ECE2: variants seen among roughly 807,000 people sequenced by gnomAD.
The protein encoded by ECE2 is endothelin converting enzyme 2.
In ECE2, 81 loss-of-function variants were observed where a neutral mutation model predicts 100.6. That is an observed-to-expected ratio of 0.81 (90% CI 0.67 to 0.97). The LOEUF (loss-of-function observed/expected upper bound fraction) is 0.97. Ranked by LOEUF, ECE2 falls within the 50% of genes least tolerant of loss-of-function variation. The pLI is 0.00. For missense variants in ECE2, 911 were observed against 988.1 expected (o/e 0.92, Z 1.05); for synonymous variants, 391 against 391.5 (o/e 1.00, Z 0.02).
Position 184,289,840 on chromosome 3 carries a change from T to A in ECE2, c.1551+122T>A, listed in dbSNP as rs2108432536. On this transcript the variant is annotated intron_variant, in intron 13 of 18. Coordinates refer to ENST00000404464, the MANE Select transcript of ECE2 (RefSeq NM_001100121.2). This position sits in a 1 kb window ranked among gnomAD's most constrained non-coding sequence, Gnocchi z 4.1. ...CTTGTCGGTTTCTTTTAGAGGCAGA[T>A]GGAGGTAACCAGCATTGTTAAAATG... 2 of 835,606 alleles carry A rather than the reference T, an allele frequency of 2.4e-6. No homozygotes were observed. Among genetic ancestry groups the A allele is most frequent in the Non-Finnish European group, 1.8e-6 (1 of 546,606 alleles). 51.8% of individuals were successfully genotyped at this position (835,606 alleles called of 1,614,324 possible).
At chr3:184,287,427 C>T (rs1577143737) in intron 10 of ECE2, among the ~76,000 whole-genome samples, 1 of 152,104 alleles carries the variant, frequency 6.6e-6, no homozygotes, top group Non-Finnish European at 1.5e-5. Context: ...CACGGTGGCT[C>T]ATGCCTTTAA....
intron 7 of ECE2, among the ~76,000 whole-genome samples, chr3:184,279,811 C>T (rs374776571): frequency 2.0e-5 from 3 of 152,146 alleles, no homozygotes; most frequent in Non-Finnish European, 2.9e-5. Context: ...TAGCACACTA[C>T]GGAGTTTATT....
rs1054152374 is a variant in ECE2, at chr3:184,285,028, T to C, written c.1071T>C (p.Ser357=). The change falls in exon 9 of 19, where the codon AGT becomes AGC. Residue 357 remains serine (S), a synonymous_variant. Coordinates refer to ENST00000404464, the MANE Select transcript of ECE2 (RefSeq NM_001100121.2). ...TCTTGCTGTCACCATTGGAGTTGAG[T>C]GACTCTGAGCCTGTGGTGGTGTATG... The part of the protein sequence containing the change: ...LSFLLSPLEL[S]DSEPVVVYGM... 1.9e-6 allele frequency: 3 copies of C among 1,614,072 alleles called. No homozygotes were observed. Among genetic ancestry groups the C allele is most frequent in the Non-Finnish European group, 2.5e-6 (3 of 1,180,012 alleles).
chr3:184,289,515 C>T lies in ECE2; in HGVS notation c.1453C>T (p.Arg485Cys), dbSNP rs374121789. 1.9e-5 allele frequency: 30 copies of T among 1,612,526 alleles called. No homozygotes were observed. Among genetic ancestry groups the T allele is most frequent in the South Asian group, 5.5e-5 (5 of 90,808 alleles). ...GCTGGTTTGGATGGATGAGAAGACC[C>T]GCCAGGCAGCCAAGGAGAAAGTGAG... ...GQLVWMDEKTRQAAKEKADAI... is the reference protein window; with the variant it reads ...GQLVWMDEKTCQAAKEKADAI... Residue 485 changes from arginine (R) to cysteine (C), a missense_variant, in exon 12 of 19, where the codon CGC becomes TGC. Arg to Cys is a radical substitution (Grantham distance 180, BLOSUM62 -3). Transcript: ENST00000404464. This position sits in a 1 kb window ranked among gnomAD's most constrained non-coding sequence, Gnocchi z 4.1.
rs1336555060 is a variant in ECE2 at position 184,289,441 on chromosome 3, A to G, written c.1379A>G (p.Glu460Gly). The G allele has an allele frequency of 6.2e-7, 1 of 1,604,824 alleles. No individual in the cohort carries two copies. The highest frequency in any genetic ancestry group is 1.3e-5 in the African/African-American group (1 of 74,700). ...ACTTTACCTCCTCCCTCCCAGGCAG[A>G]GGGGATGATCAGCGAAATCCGGACC... Reference protein sequence around the residue: ...TFDRQSKEIAEGMISEIRTAF... With the variant: ...TFDRQSKEIAGGMISEIRTAF... Residue 460 changes from glutamate (E) to glycine (G), a missense_variant, in exon 12 of 19, where the codon GAG becomes GGG. By Grantham distance (98) the Glu-to-Gly change is moderately conservative (BLOSUM62 -2). Transcript: ENST00000404464. The surrounding 1 kb of genome is among the most constrained non-coding windows in gnomAD (Gnocchi z 4.1).
intron 7 of ECE2, among the ~76,000 whole-genome samples, chr3:184,283,561 C>CAAAAAAAAAAAAA (rs35761542): frequency 1.3e-4 from 7 of 53,086 alleles, no homozygotes; most frequent in Non-Finnish European, 1.9e-4. Flanking sequence ...GACTCCATCT[C>CAAAAAAAAAAAAA]AAAAAAAAAA....
In ECE2 at chr3:184,291,615, C is replaced by G. The variant is rs1445272852; in HGVS notation, c.2121+176C>G. On this transcript the variant is annotated intron_variant, in intron 18 of 18. Coordinates refer to ENST00000404464, the MANE Select transcript of ECE2 (RefSeq NM_001100121.2). The surrounding 1 kb of genome is among the most constrained non-coding windows in gnomAD (Gnocchi z 4.1). Reference sequence around the variant, plus strand: ...AGAGCCTCCGGCCAGCCAGGGCCCACAAAGGCAGCCTGAAGAGGCCTGAGC... The same window carrying G: ...AGAGCCTCCGGCCAGCCAGGGCCCAGAAAGGCAGCCTGAAGAGGCCTGAGC... 8.2e-6 allele frequency: 5 copies of G among 611,768 alleles called. No individual in the cohort carries two copies. In the South Asian group the frequency reaches 1.4e-4, roughly 17 times the overall value. The allele number at this position is 611,768 out of a possible 1,614,324, so 37.9% of individuals were successfully genotyped here. A position where few individuals can be genotyped will look rare whatever the true frequency, so the allele number is the denominator to read the frequency against.
In ECE2 at chr3:184,291,547, C is replaced by G; in HGVS notation, c.2121+108C>G. Reference sequence around the variant, plus strand: ...GTGTCAAACGGGCTGGTGAATGGGGCTGAGGCTGGGGCATGAAAGGTGGGC... The same window carrying G: ...GTGTCAAACGGGCTGGTGAATGGGGGTGAGGCTGGGGCATGAAAGGTGGGC... On this transcript the variant is annotated intron_variant, in intron 18 of 18. Coordinates refer to ENST00000404464, the MANE Select transcript of ECE2 (RefSeq NM_001100121.2). This position sits in a 1 kb window ranked among gnomAD's most constrained non-coding sequence, Gnocchi z 4.1. 1 of 1,109,306 alleles carries G rather than the reference C, an allele frequency of 9.0e-7. No homozygotes were observed. Among genetic ancestry groups the G allele is most frequent in the Non-Finnish European group, 1.3e-6 (1 of 799,148 alleles). 68.7% of individuals were successfully genotyped at this position (1,109,306 alleles called of 1,614,324 possible).
intron 7 of ECE2, chr3:184,278,785 A>G (rs1028063348): frequency 1.5e-4 from 85 of 573,210 alleles, no homozygotes; most frequent in Non-Finnish European, 3.7e-5. Context: ...ATAGACACCT[A>G]CTGTGTGCCA....
Position 184,285,092 on chromosome 3 carries a change from C to A in ECE2, c.1135C>A (p.Arg379Ser), listed in dbSNP as rs371149039. Residue 379 changes from arginine to serine, a missense_variant, in exon 9 of 19, where the codon CGC becomes AGC. Coordinates refer to ENST00000404464, the MANE Select transcript of ECE2 (RefSeq NM_001100121.2). Reference sequence around the variant, plus strand: ...GCAGCAGGTGTCAGAGCTCATCAACCGCACGGAACCAAGGTGTGGGGGTAG... The same window carrying A: ...GCAGCAGGTGTCAGAGCTCATCAACAGCACGGAACCAAGGTGTGGGGGTAG... ...YLQQVSELIN[R>S]TEPSILNNYL... The A allele has an allele frequency of 3.7e-6, 6 of 1,613,794 alleles. No individual in the cohort carries two copies. Among genetic ancestry groups the A allele is most frequent in the Non-Finnish European group, 5.1e-6 (6 of 1,179,900 alleles).
intron 4 of ECE2, 32 bp downstream of exon 4, chr3:184,277,498 A>G (rs1282234902): frequency 1.2e-6 from 2 of 1,607,998 alleles, no homozygotes; most frequent in African/African-American, 2.7e-5. Flanking sequence ...GCCTTGGGCC[A>G]CCTATGTGCC....
chr3:184,279,338 A>G (rs1381532663), intron 7 of ECE2, among the ~76,000 whole-genome samples: 40 of 149,944 alleles, frequency 2.7e-4, no homozygotes, highest in Non-Finnish European at 5.6e-4. Context: ...AGAAAGAAAA[A>G]GAAAGAAGGA....
chr3:184,289,312 G>T lies in ECE2; in HGVS notation c.1375-125G>T, dbSNP rs549725323. 4 of 807,094 alleles carry T rather than the reference G, an allele frequency of 5.0e-6. No individual in the cohort carries two copies. Among genetic ancestry groups the T allele is most frequent in the Non-Finnish European group, 6.0e-6 (3 of 496,354 alleles). The allele number at this position is 807,094 out of a possible 1,614,324, so 50.0% of individuals were successfully genotyped here. ...TCTCATCGTCTCCAGGTGCTCAGCC[G>T]TATTTCTTTAGTCTAGACGTTCCCA... On this transcript the variant is annotated intron_variant, in intron 11 of 18. Coordinates refer to ENST00000404464, the MANE Select transcript of ECE2 (RefSeq NM_001100121.2). This position sits in a 1 kb window ranked among gnomAD's most constrained non-coding sequence, Gnocchi z 4.1.
At chr3:184,288,158 A>G (rs1392249930) in intron 11 of ECE2, among the ~76,000 whole-genome samples, 1 of 151,874 alleles carries the variant, frequency 6.6e-6, no homozygotes, top group African/African-American at 2.4e-5. Context: ...AAAATACAAA[A>G]AATTAGCCGG....
Position 184,291,704 on chromosome 3 carries a change from C to CAGCGTGGGGCAA in ECE2, c.2121+267_2121+268insCGTGGGGCAAAG, listed in dbSNP as rs1553840736. On this transcript the variant is annotated intron_variant, in intron 18 of 18. Transcript: ENST00000404464. The surrounding 1 kb of genome is among the most constrained non-coding windows in gnomAD (Gnocchi z 4.1). Reference sequence around the variant, plus strand: ...GCAAGGTTGTCGTGCTTGCGGGGCACAGGGTGGCGAAGGGGGCAAACGTTC... The same window carrying CAGCGTGGGGCAA: ...GCAAGGTTGTCGTGCTTGCGGGGCACAGCGTGGGGCAAAGGGTGGCGAAGGGGGCAAACGTTC... The CAGCGTGGGGCAA allele has an allele frequency of 1.4e-5, 7 of 486,032 alleles. No individual in the cohort carries two copies. Among genetic ancestry groups the CAGCGTGGGGCAA allele is most frequent in the Middle Eastern group, 5.3e-4 (1 of 1,894 alleles). 30.1% of individuals were successfully genotyped at this position (486,032 alleles called of 1,614,324 possible). A position where few individuals can be genotyped will look rare whatever the true frequency, so the allele number is the denominator to read the frequency against.
At chr3:184,280,897 T>G (rs1720790706) in intron 7 of ECE2, among the ~76,000 whole-genome samples, 1 of 151,384 alleles carries the variant, frequency 6.6e-6, no homozygotes, top group African/African-American at 2.4e-5. Context: ...GAGAATCGCT[T>G]GAACCTGGGA....
chr3:184,282,047 C>T lies in ECE2; in HGVS notation c.817-1738C>T, dbSNP rs567468797. Among the ~76,000 whole-genome samples the T allele has an allele frequency of 7.2e-5, 11 of 152,158 alleles. No homozygotes were observed. The South Asian group carries it at 1.0e-3, about 14-fold the overall frequency. On this transcript the variant is annotated intron_variant, in intron 7 of 18. Transcript: ENST00000404464. ...CCGGGAGGCGGAGGTTGCAGTGAGC[C>T]GAGATCACACACCTGCACTTCAGCC...
chr3:184,291,411 ACCAG>A lies in ECE2; in HGVS notation c.2095_2098del (p.Gln699SerfsTer24), dbSNP rs1482351517. On this transcript the variant is annotated frameshift_variant, in exon 18 of 19. Coordinates refer to ENST00000404464, the MANE Select transcript of ECE2 (RefSeq NM_001100121.2). LOFTEE classifies it high-confidence loss of function. The surrounding 1 kb of genome is among the most constrained non-coding windows in gnomAD (Gnocchi z 4.1). ...CTGCCAGCCGTGGGGCTCACCAACCACCAGCTCTTCTTCGTGGGATTTGCCCAGG... is the reference window on the plus strand; with the variant it reads ...CTGCCAGCCGTGGGGCTCACCAACCACTCTTCTTCGTGGGATTTGCCCAGG... The A allele has an allele frequency of 2.5e-6, 4 of 1,602,192 alleles. No homozygotes were observed. The highest frequency in any genetic ancestry group is 3.4e-6 in the Non-Finnish European group (4 of 1,174,020).
Position 184,277,138 on chromosome 3 carries a change from C to G in ECE2, c.262+111C>G, listed in dbSNP as rs1305061045. On this transcript the variant is annotated intron_variant, in intron 3 of 18. Coordinates refer to ENST00000404464, the MANE Select transcript of ECE2 (RefSeq NM_001100121.2). ...CAAGCCTTCCCTGCAGAAAAGCCCCCGGCTTTGCTTTCTCTTCCCAACCTT... is the reference window on the plus strand; with the variant it reads ...CAAGCCTTCCCTGCAGAAAAGCCCCGGGCTTTGCTTTCTCTTCCCAACCTT... The G allele has an allele frequency of 5.6e-6, 9 of 1,595,514 alleles. No homozygotes were observed. In the East Asian group the frequency reaches 2.0e-4, roughly 36 times the overall value.
Sources: gnomAD v4.1 joint callset for allele counts (sites outside exome capture counted in the v4.1 genomes callset) on GRCh38, gnomAD v4.1.1 for gene constraint, Gnocchi (gnomAD v3.1) non-coding constraint, MANE v1.5 for transcripts, NCBI Gene and HGNC (gene_info 2026-07-23, HGNC 2026-07-21) for gene names.